AKAP9: variants seen among roughly 807,000 people sequenced by gnomAD.
The protein encoded by AKAP9 is A-kinase anchor protein 9.
Under a neutral mutation model 488.5 loss-of-function variants are expected in AKAP9, and 311 were observed. The ratio of observed to expected loss-of-function variants is 0.64; its 90% CI spans 0.58 to 0.70. The LOEUF (loss-of-function observed/expected upper bound fraction) is 0.70. Among genes scored for constraint, AKAP9 ranks in the 30% least tolerant of loss-of-function variants. The pLI, the probability that AKAP9 is intolerant of heterozygous loss-of-function variation, is 0.00. For missense variants in AKAP9, 4,215 were observed against 4,374.5 expected, an observed-to-expected ratio of 0.96 and a Z score of 1.03; for synonymous variants, 1,462 against 1,483.5, an observed-to-expected ratio of 0.99 and a Z score of 0.33.
rs770002854 is a variant in AKAP9, at chr7:92,061,297, G to C, written c.5639G>C (p.Arg1880Pro). 6 of 1,612,500 alleles carry C rather than the reference G, an allele frequency of 3.7e-6. No individual in the cohort carries two copies. The highest frequency in any genetic ancestry group is 4.2e-6 in the Non-Finnish European group (5 of 1,179,184). The part of the protein sequence containing the change: ...HAKVTQTELM[R>P]ESFRQKQEAT... ...AAAGTGACACAGACAGAGTTGATGCGTGAGTCATTTAGACAGAAACAAGAA... is the reference window on the plus strand; with the variant it reads ...AAAGTGACACAGACAGAGTTGATGCCTGAGTCATTTAGACAGAAACAAGAA... The change falls in exon 23 of 50, where the codon CGT (arginine) becomes CCT (proline). Residue 1880 changes from arginine to proline, a missense_variant. By Grantham distance (103) the Arg-to-Pro change is moderately radical. Transcript: ENST00000356239.
intron 21 of AKAP9, among the ~76,000 whole-genome samples, chr7:92,047,530 T>G (rs1274361509): frequency 6.6e-6 from 1 of 152,190 alleles, no homozygotes; most frequent in African/African-American, 2.4e-5. Context: ...TAGTTTTCAA[T>G]TATAAGCAAT....
At chr7:92,004,417 A>G (rs1362312270) in intron 8 of AKAP9, among the ~76,000 whole-genome samples, 3 of 152,268 alleles carry the variant, frequency 2.0e-5, no homozygotes, top group East Asian at 3.9e-4. Context: ...CAGTATGGCC[A>G]TTTTCACAAT....
intron 3 of AKAP9, among the ~76,000 whole-genome samples, chr7:91,991,680 C>G (rs1797778569): frequency 6.6e-6 from 1 of 151,678 alleles, no homozygotes; most frequent in South Asian, 2.1e-4. Flanking sequence ...ACCGTGTTAG[C>G]CAGGATGGTC....
intron 3 of AKAP9, among the ~76,000 whole-genome samples, chr7:91,986,610 G>A (rs1246107246): frequency 1.3e-5 from 2 of 152,158 alleles, no homozygotes; most frequent in African/African-American, 2.4e-5. Context: ...CAGGTTTTCT[G>A]TAGGAAAATG....
intron 14 of AKAP9, among the ~76,000 whole-genome samples, chr7:92,026,339 C>T (rs28478550): frequency 1.1e-4 from 16 of 152,272 alleles, no homozygotes; most frequent in African/African-American, 3.8e-4. Context: ...TCCCTCTCTT[C>T]TCTCTTCTCT....
chr7:92,061,326 A>T lies in AKAP9; in HGVS notation c.5668A>T (p.Thr1890Ser), dbSNP rs201558875. The T allele has an allele frequency of 5.0e-5, 81 of 1,613,140 alleles. No individual in the cohort carries two copies. The highest frequency in any genetic ancestry group is 5.2e-5 in the Non-Finnish European group (61 of 1,179,522). Residue 1890 changes from threonine to serine, a missense_variant, in exon 23 of 50, where the codon ACA becomes TCA. By Grantham distance (58) the Thr-to-Ser change is moderately conservative (BLOSUM62 1). Transcript: ENST00000356239. ...GTCATTTAGACAGAAACAAGAAGCA[A>T]CAGAGTCCCTTAAGTGCCAAGAGGA... ...RESFRQKQEA[T>S]ESLKCQEELR...
chr7:91,941,882 TTGTGTG>T (rs10700954), intron 1 of AKAP9, among the ~76,000 whole-genome samples: 11 of 147,720 alleles, frequency 7.4e-5, no homozygotes, highest in South Asian at 2.2e-4. Flanking sequence ...CGAATCCTGG[TTGTGTG>T]TGTGTGTGTG....
chr7:92,057,810 A>G (rs1462260474), intron 22 of AKAP9: 1 of 223,732 alleles, frequency 4.5e-6, no homozygotes, highest in Non-Finnish European at 8.9e-6. Context: ...TTAGATGTTT[A>G]TATTTTTATT....
intron 1 of AKAP9, among the ~76,000 whole-genome samples, chr7:91,956,262 T>C (rs1229924886): frequency 6.6e-6 from 1 of 151,480 alleles, no homozygotes; most frequent in Non-Finnish European, 1.5e-5. Flanking sequence ...TAGCCGGGTG[T>C]GGTGGCAGGC....
rs1298523963 is a variant in AKAP9 at position 92,061,303 on chromosome 7, C to G, written c.5645C>G (p.Ser1882Ter). 6.2e-7 allele frequency: 1 copy of G among 1,612,816 alleles called. No individual in the cohort carries two copies. Among genetic ancestry groups the G allele is most frequent in the Admixed American group, 1.7e-5 (1 of 59,906 alleles). The part of the protein sequence containing the change: ...KVTQTELMRE[S>*]FRQKQEATES... ...ACACAGACAGAGTTGATGCGTGAGT[C>G]ATTTAGACAGAAACAAGAAGCAACA... The change falls in exon 23 of 50, where the codon TCA becomes TGA. Residue 1882 changes from serine to a stop codon, truncating the protein, a stop_gained. Coordinates refer to ENST00000356239, the MANE Select transcript of AKAP9 (RefSeq NM_005751.5). LOFTEE classifies it high-confidence loss of function.
intron 14 of AKAP9, among the ~76,000 whole-genome samples, chr7:92,027,210 C>CCT (rs1803373810): frequency 7.2e-6 from 1 of 138,298 alleles, no homozygotes. Flanking sequence ...GCCCGGCTGC[C>CCT]GCGTCTGGGA....
At chr7:91,960,312 G>A (rs373623890) in intron 1 of AKAP9, among the ~76,000 whole-genome samples, 31 of 152,282 alleles carry the variant, frequency 2.0e-4, no homozygotes, top group African/African-American at 6.7e-4. Context: ...TCTGTTTGGT[G>A]ATATCACTTG....
At chr7:92,024,357 A>T (rs1417560932) in intron 14 of AKAP9, among the ~76,000 whole-genome samples, 3 of 151,354 alleles carry the variant, frequency 2.0e-5, no homozygotes, top group Admixed American at 6.6e-5. Flanking sequence ...GGTTGCAGTG[A>T]GCTGAATTTG....
At chr7:92,048,377 A>C (rs922260511) in intron 21 of AKAP9, among the ~76,000 whole-genome samples, 1 of 152,238 alleles carries the variant, frequency 6.6e-6, no homozygotes, top group Non-Finnish European at 1.5e-5. Context: ...TCCTCATAAG[A>C]GTAACCTAGT....
intron 1 of AKAP9, among the ~76,000 whole-genome samples, chr7:91,956,196 C>T (rs1792975452): frequency 2.0e-5 from 3 of 151,560 alleles, no homozygotes; most frequent in East Asian, 2.0e-4. Context: ...GTCAGGAGAT[C>T]GAGACCATCC....
chr7:92,102,788 GT>G lies in AKAP9; in HGVS notation c.11295del (p.Arg3766GlyfsTer13). 1 of 1,614,192 alleles carries G rather than the reference GT, an allele frequency of 6.2e-7. No homozygotes were observed. Among genetic ancestry groups the G allele is most frequent in the Non-Finnish European group, 8.5e-7 (1 of 1,180,048 alleles). ...ITNRPKGFTR[F>X]RSAVRVSIAI... is the part of the protein sequence containing the mutation. ...CCAATCGCCCAAAGGGCTTCACCAG[GT>G]TTCGGTCGGCCGTCAGAGTATCCAT... On this transcript the variant is annotated frameshift_variant, in exon 46 of 50. Coordinates refer to ENST00000356239, the MANE Select transcript of AKAP9 (RefSeq NM_005751.5). LOFTEE classifies it high-confidence loss of function.
chr7:92,018,037 C>T (rs543013757), intron 12 of AKAP9, among the ~76,000 whole-genome samples: 1 of 152,150 alleles, frequency 6.6e-6, no homozygotes, highest in South Asian at 2.1e-4. Context: ...ATGTAAATGC[C>T]TACATTAACT....
chr7:91,989,651 T>C (rs1797525392), intron 3 of AKAP9, among the ~76,000 whole-genome samples: 2 of 152,076 alleles, frequency 1.3e-5, no homozygotes, highest in African/African-American at 2.4e-5. Context: ...CAAGTGCTTA[T>C]ATGGTTTATG....
intron 3 of AKAP9, among the ~76,000 whole-genome samples, chr7:91,981,394 A>G (rs1368701267): frequency 6.6e-6 from 1 of 152,124 alleles, no homozygotes; most frequent in Non-Finnish European, 1.5e-5. Flanking sequence ...ACAACTAAGT[A>G]TATAGTAATC....
Sources: gnomAD v4.1 joint callset for allele counts (sites outside exome capture counted in the v4.1 genomes callset) on GRCh38, gnomAD v4.1.1 for gene constraint, MANE v1.5 for transcripts, NCBI Gene and HGNC (gene_info 2026-07-23, HGNC 2026-07-21) for gene names.